Variants in ADAMTS17 observed in about 807,000 individuals in gnomAD.
The protein encoded by ADAMTS17 is A disintegrin and metalloproteinase with thrombospondin motifs 17.
Under a neutral mutation model 141.5 loss-of-function variants are expected in ADAMTS17, and 113 were observed. The ratio of observed to expected loss-of-function variants is 0.80; its 90% CI spans 0.69 to 0.93. The LOEUF (loss-of-function observed/expected upper bound fraction) is 0.93, where lower values mean the gene tolerates loss of function less well. Ranked by LOEUF, ADAMTS17 falls within the 40% of genes least tolerant of loss-of-function variation. The probability of loss-of-function intolerance (pLI) is 0.00; values close to 1 mark genes in which losing one functional copy is unlikely to be tolerated. For missense variants in ADAMTS17, 1,659 were observed against 1,517.9 expected, an observed-to-expected ratio of 1.09 and a Z score of -1.54; for synonymous variants, 768 against 630.6, an observed-to-expected ratio of 1.22 and a Z score of -3.27.
chr15:100,230,876 A>C lies in ADAMTS17; in HGVS notation c.1075+23260T>G, dbSNP rs566063575. ...AGGTGTTGGGACTGCCTGGGGACCC[A>C]ATTAGGAAGCCATCACTCTGTCTCC... On this transcript the variant is annotated intron_variant, in intron 7 of 21. Coordinates refer to ENST00000268070, the MANE Select transcript of ADAMTS17 (RefSeq NM_139057.4). 2.0e-5 allele frequency among the ~76,000 whole-genome samples: 3 copies of C among 152,254 alleles called. No homozygotes were observed. In the South Asian group the frequency reaches 6.2e-4, roughly 32 times the overall value.
intron 3 of ADAMTS17, among the ~76,000 whole-genome samples, chr15:100,315,115 A>C (rs1020253092): frequency 6.6e-6 from 1 of 152,186 alleles, no homozygotes; most frequent in Non-Finnish European, 1.5e-5. Flanking sequence ...CTGATCTCAG[A>C]GGTAAAAGCA....
intron 7 of ADAMTS17, among the ~76,000 whole-genome samples, chr15:100,200,818 G>T (rs572533338): frequency 6.6e-6 from 1 of 151,672 alleles, no homozygotes; most frequent in African/African-American, 2.4e-5. Flanking sequence ...CCTCTGTCGA[G>T]CTGCACCTGC....
chr15:100,282,545 A>C (rs1166899193), intron 3 of ADAMTS17, among the ~76,000 whole-genome samples: 2 of 152,368 alleles, frequency 1.3e-5, no homozygotes, highest in Middle Eastern at 3.4e-3. Context: ...ATACTGTACT[A>C]AAAGTTATGT....
chr15:100,243,798 AAAAAAG>A (rs1262290043), intron 7 of ADAMTS17, among the ~76,000 whole-genome samples: 1 of 87,968 alleles, frequency 1.1e-5, no homozygotes, highest in East Asian at 4.1e-4. Flanking sequence ...TTAAAAAAAA[AAAAAAG>A]AAAGAAAAGA....
chr15:100,236,626 C>A (rs1164720283), intron 7 of ADAMTS17, among the ~76,000 whole-genome samples: 1 of 152,120 alleles, frequency 6.6e-6, no homozygotes, highest in Non-Finnish European at 1.5e-5. Context: ...TCACTAGAGG[C>A]CAGGAGGTTG....
intron 12 of ADAMTS17, among the ~76,000 whole-genome samples, chr15:100,122,588 C>T: frequency 6.6e-6 from 1 of 152,120 alleles, no homozygotes; most frequent in South Asian, 2.1e-4. Context: ...CTTTTAACAC[C>T]CCCAAAATTA....
intron 10 of ADAMTS17, among the ~76,000 whole-genome samples, chr15:100,148,195 G>A (rs977660613): frequency 1.3e-5 from 2 of 152,270 alleles, no homozygotes; most frequent in South Asian, 2.1e-4. Flanking sequence ...AGGTGCTGAG[G>A]ATAGGACATA....
chr15:100,081,129 G>C (rs552137943), intron 15 of ADAMTS17, among the ~76,000 whole-genome samples: 1 of 152,314 alleles, frequency 6.6e-6, no homozygotes, highest in Non-Finnish European at 1.5e-5. Context: ...AATCTAATCA[G>C]CTGCCAGCAA....
rs150239079 is a variant in ADAMTS17, at chr15:100,280,842, C to A, written c.789+387G>T. ...AGCCTCTCTAAGTCAACACAGTAAG[C>A]TCTTTTTCCCATAGAGGTTGGAATT... On this transcript the variant is annotated intron_variant, in intron 4 of 21. Transcript: ENST00000268070. 3.2e-3 allele frequency among the ~76,000 whole-genome samples: 493 copies of A among 152,194 alleles called. 1 individual carries two copies. Among genetic ancestry groups the A allele is most frequent in the African/African-American group, 0.011 (455 of 41,520 alleles).
intron 8 of ADAMTS17, among the ~76,000 whole-genome samples, chr15:100,191,895 C>T (rs1289361956): frequency 1.4e-5 from 2 of 141,488 alleles, no homozygotes; most frequent in East Asian, 4.2e-4. Context: ...GCCAAGGCAC[C>T]AGGAGGTTTG....
rs202099735 is a variant in ADAMTS17 at position 99,997,488 on chromosome 15, A to G, written c.2693T>C (p.Val898Ala). ...CGGGCAGTAGAGGGGCCGCGTAGCG[A>G]CGTGTGTGCCGTTCTGCAGCTGGTA... ...CVYQLQNGTH[V>A]ATRPLYCPGP... The change falls in exon 19 of 22, where the codon GTC becomes GCC. Residue 898 changes from valine (V) to alanine (A), a missense_variant. Val to Ala is a moderately conservative substitution (Grantham distance 64, BLOSUM62 0). Transcript: ENST00000268070. The surrounding 1 kb of genome is among the most constrained non-coding windows in gnomAD (Gnocchi z 4.7). The G allele has an allele frequency of 3.7e-4, 598 of 1,613,504 alleles. 1 individual carries two copies. The highest frequency in any genetic ancestry group is 3.5e-3 in the South Asian group (319 of 91,070).
rs57731252 is a variant in ADAMTS17 at position 100,267,674 on chromosome 15, C to A, written c.790-5239G>T. On this transcript the variant is annotated intron_variant, in intron 4 of 21. Transcript: ENST00000268070. ...GAGGTAGTTCCTCAGCCCTTGCCCC[C>A]CTCCCTGTCTCCCTTCTCTAGTAGT... 1.4e-4 allele frequency among the ~76,000 whole-genome samples: 21 copies of A among 149,052 alleles called. No homozygotes were observed. In the South Asian group the frequency reaches 2.9e-3, roughly 21 times the overall value.
In ADAMTS17 at chr15:100,291,223, G is replaced by A. The variant is rs1007420616; in HGVS notation, c.617-9822C>T. On this transcript the variant is annotated intron_variant, in intron 3 of 21. Transcript: ENST00000268070. ...ATACTTTTCAAAAGAAGACATACACGTGGCCAATAACCATATGAAAAGTTA... is the reference window on the plus strand; with the variant it reads ...ATACTTTTCAAAAGAAGACATACACATGGCCAATAACCATATGAAAAGTTA... Among the ~76,000 whole-genome samples the A allele has an allele frequency of 2.0e-5, 3 of 152,276 alleles. No homozygotes were observed. In the East Asian group the frequency reaches 5.8e-4, roughly 29 times the overall value.
chr15:100,025,292 C>T (rs2141462651), intron 18 of ADAMTS17, among the ~76,000 whole-genome samples: 1 of 152,100 alleles, frequency 6.6e-6, no homozygotes, highest in African/African-American at 2.4e-5. Context: ...TTTTTGCTTC[C>T]CTGGAATACC....
At chr15:100,340,968 C>G in intron 2 of ADAMTS17, 71 bp downstream of exon 2, 1 of 1,511,100 alleles carries the variant, frequency 6.6e-7, no homozygotes, top group African/African-American at 1.4e-5. Flanking sequence ...GCCCCACCCC[C>G]ACCCTCCACG....
At chr15:100,165,351 C>T (rs892444969) in intron 8 of ADAMTS17, among the ~76,000 whole-genome samples, 1 of 152,170 alleles carries the variant, frequency 6.6e-6, no homozygotes, top group Non-Finnish European at 1.5e-5. Context: ...ATGTAATGCA[C>T]CATCAGCACA....
At chr15:100,168,681 C>A (rs2040043990) in intron 8 of ADAMTS17, 1 of 152,266 alleles carries the variant, frequency 6.6e-6, no homozygotes, top group Non-Finnish European at 1.5e-5. Context: ...CACTCCAAGT[C>A]TTCAGTATCT....
At chr15:100,141,074 T>C (rs986170291) in intron 10 of ADAMTS17, among the ~76,000 whole-genome samples, 1 of 152,170 alleles carries the variant, frequency 6.6e-6, no homozygotes, top group African/African-American at 2.4e-5. Flanking sequence ...TCCGTGCACA[T>C]GGCAAGGAAA....
In ADAMTS17 at chr15:100,084,083, C is replaced by T. The variant is rs548337151; in HGVS notation, c.2137+12273G>A. ...GGAAGTGAAAGGGGTCAGGGAATTCCCCTTCCTAGTCAAAGAAAGGGGTGA... is the reference window on the plus strand; with the variant it reads ...GGAAGTGAAAGGGGTCAGGGAATTCTCCTTCCTAGTCAAAGAAAGGGGTGA... On this transcript the variant is annotated intron_variant, in intron 15 of 21. Transcript: ENST00000268070. 3.3e-5 allele frequency among the ~76,000 whole-genome samples: 5 copies of T among 152,224 alleles called. No homozygotes were observed. The South Asian group carries it at 1.0e-3, about 32-fold the overall frequency.
Sources: allele counts gnomAD v4.1 joint callset (sites outside exome capture counted in the v4.1 genomes callset), GRCh38; gene constraint gnomAD v4.1.1; non-coding constraint Gnocchi (gnomAD v3.1); transcripts MANE v1.5; gene names NCBI Gene and HGNC (gene_info 2026-07-23, HGNC 2026-07-21).